PTPRF: variants seen among roughly 807,000 people sequenced by gnomAD.
PTPRF encodes receptor-type tyrosine-protein phosphatase F.
A neutral mutation model predicts 201.8 loss-of-function variants in PTPRF; 59 were observed. That is an observed-to-expected ratio of 0.29 (90% CI 0.24 to 0.36). The LOEUF is 0.36. Ranked by LOEUF, PTPRF falls within the 10% of genes least tolerant of loss-of-function variation. The pLI is 1.00. For synonymous variants in PTPRF, 1,088 were observed against 1,089.7 expected (o/e 1.00, Z 0.03); for missense variants, 2,132 against 2,690.5 (o/e 0.79, Z 4.59).
chr1:43,597,717 T>A, intron 11 of PTPRF, 31 bp from the exon 12 acceptor site: 1 of 1,376,410 alleles, frequency 7.3e-7, no homozygotes. Context: ...ACCCTCCATC[T>A]GCTTGCTTCC....
chr1:43,541,414 T>G (rs1450604536), intron 2 of PTPRF, among the ~76,000 whole-genome samples: 1 of 152,172 alleles, frequency 6.6e-6, no homozygotes. Context: ...GTGACATGGC[T>G]TCTGTGTTTT....
intron 11 of PTPRF, 31 bp downstream of exon 11, chr1:43,592,632 C>G (rs370756284): frequency 1.9e-6 from 3 of 1,551,436 alleles, no homozygotes; most frequent in Non-Finnish European, 2.6e-6. Flanking sequence ...CTGCCTGTTA[C>G]ACCTGGGCTG....
intron 11 of PTPRF, among the ~76,000 whole-genome samples, chr1:43,593,686 T>C (rs1651474379): frequency 6.7e-6 from 1 of 149,528 alleles, no homozygotes; most frequent in South Asian, 2.1e-4. Flanking sequence ...ACAAATGTCA[T>C]TAAAAGCTCA....
At chr1:43,584,106 G>A (rs1648489474) in intron 7 of PTPRF, among the ~76,000 whole-genome samples, 1 of 152,110 alleles carries the variant, frequency 6.6e-6, no homozygotes, top group Non-Finnish European at 1.5e-5. Context: ...CCCCACCCTT[G>A]GAGCCAGACC....
At position 43,591,063 on chromosome 1, in the gene PTPRF, A is replaced by T; in HGVS notation, c.1041A>T (p.Val347=). The T allele has an allele frequency of 6.2e-7, 1 of 1,614,020 alleles. No individual in the cohort carries two copies. The highest frequency in any genetic ancestry group is 8.5e-7 in the Non-Finnish European group (1 of 1,180,040). Residue 347 remains valine (V), a synonymous_variant, in exon 9 of 34, where the codon GTA becomes GTT. Coordinates refer to ENST00000359947, the MANE Select transcript of PTPRF (RefSeq NM_002840.5). ...LTWDSGNSEP[V]TYYGIQYRAA... is the part of the protein sequence containing the mutation. ...GGGACTCTGGGAACTCGGAGCCTGT[A>T]ACCTACTATGGCATCCAGTACCGCG...
At chr1:43,560,608 G>T (rs1269971882) in intron 5 of PTPRF, among the ~76,000 whole-genome samples, 2 of 152,138 alleles carry the variant, frequency 1.3e-5, no homozygotes, top group Non-Finnish European at 2.9e-5. Flanking sequence ...TGCTGTGTCT[G>T]GGCTCATTGT....
In PTPRF at chr1:43,604,179, G is replaced by C. The variant is rs570067770; in HGVS notation, c.3027G>C (p.Pro1009=). Residue 1009 remains proline (P), a synonymous_variant, in exon 16 of 34, where the codon CCG becomes CCC. Transcript: ENST00000359947. ...CCAGCATCCAGTCCCGGACCATGCC[G>C]GTGGAGCAAGGTGTGTGCTGTGGAC... ...LSPSIQSRTM[P]VEQVFAKNFR... 1 of 1,613,546 alleles carries C rather than the reference G, an allele frequency of 6.2e-7. No homozygotes were observed. Among genetic ancestry groups the C allele is most frequent in the East Asian group, 2.2e-5 (1 of 44,878 alleles).
At chr1:43,615,843 G>A (rs1372778970) in intron 23 of PTPRF, among the ~76,000 whole-genome samples, 2 of 152,094 alleles carry the variant, frequency 1.3e-5, no homozygotes, top group African/African-American at 2.4e-5. Context: ...GGGATTACAG[G>A]CGTGAGCCAC....
intron 1 of PTPRF, among the ~76,000 whole-genome samples, chr1:43,536,407 C>T (rs544681962): frequency 6.6e-6 from 1 of 152,176 alleles, no homozygotes; most frequent in African/African-American, 2.4e-5. Flanking sequence ...TAAAATGGCC[C>T]CTGGCCACTT....
chr1:43,605,030 G>T (rs900498906), intron 17 of PTPRF, 30 bp downstream of exon 17: 3 of 1,605,860 alleles, frequency 1.9e-6, no homozygotes, highest in African/African-American at 2.7e-5. Context: ...AGCTGAGCCT[G>T]GCACACACAC....
chr1:43,592,942 T>A (rs1651220580), intron 11 of PTPRF, among the ~76,000 whole-genome samples: 2 of 152,184 alleles, frequency 1.3e-5, no homozygotes, highest in Non-Finnish European at 2.9e-5. Context: ...TGGGCCATCC[T>A]CGGTGGGTCT....
intron 17 of PTPRF, 21 bp downstream of exon 17, chr1:43,605,021 G>C (rs1009361729): frequency 6.2e-6 from 10 of 1,609,222 alleles, no homozygotes; most frequent in East Asian, 4.5e-5. Flanking sequence ...GCCACGGCCA[G>C]CTGAGCCTGG....
At chr1:43,567,095 T>G (rs1381138183) in intron 5 of PTPRF, among the ~76,000 whole-genome samples, 1 of 152,160 alleles carries the variant, frequency 6.6e-6, no homozygotes, top group Non-Finnish European at 1.5e-5. Flanking sequence ...GGGCCCTGAC[T>G]CTGGCAGGCC....
Position 43,553,059 on chromosome 1 carries a change from G to C in PTPRF, c.92-433G>C, listed in dbSNP as rs1166666097. Among the ~76,000 whole-genome samples, 4 of 152,156 alleles carry C rather than the reference G, an allele frequency of 2.6e-5. No homozygotes were observed. The highest frequency in any genetic ancestry group is 5.9e-5 in the Non-Finnish European group (4 of 68,024). On this transcript the variant is annotated intron_variant, in intron 3 of 33. Transcript: ENST00000359947. The surrounding 1 kb of genome is among the most constrained non-coding windows in gnomAD (Gnocchi z 4.1). ...GTGCCATCACTGAGATGGAGAGCAG[G>C]GGGAGGGACAACTCTCAGGGAGAGC...
intron 11 of PTPRF, among the ~76,000 whole-genome samples, chr1:43,594,941 G>A (rs529206467): frequency 5.9e-5 from 9 of 152,312 alleles, no homozygotes; most frequent in Admixed American, 5.2e-4. Context: ...GAGGTTGGAA[G>A]GAGAGAAAGT....
intron 10 of PTPRF, among the ~76,000 whole-genome samples, 164 bp downstream of exon 10, chr1:43,592,112 C>T (rs1458125466): frequency 6.6e-6 from 1 of 152,160 alleles, no homozygotes; most frequent in Non-Finnish European, 1.5e-5. Flanking sequence ...GTGGCCCGCA[C>T]AGCCTGTATG....
chr1:43,547,649 G>A (rs560543429), intron 3 of PTPRF, among the ~76,000 whole-genome samples: 97 of 152,382 alleles, frequency 6.4e-4, no homozygotes, highest in African/African-American at 2.1e-3. Flanking sequence ...AGTGAAGCGC[G>A]GAGTGGACAA....
Position 43,623,403 on chromosome 1 carries a change from G to A in PTPRF, c.*1400G>A, listed in dbSNP as rs1291038850. The stretch of plus-strand genomic sequence containing the variant: ...TCCTCTGGGCAGCGCTATCTAGATA[G>A]GTAAGTGGGGGCGGGGAAGGGTGCA... On this transcript the variant is annotated 3_prime_UTR_variant, in exon 34 of 34. Coordinates refer to ENST00000359947, the MANE Select transcript of PTPRF (RefSeq NM_002840.5). 18 of 152,648 alleles carry A rather than the reference G, an allele frequency of 1.2e-4. No homozygotes were observed. The highest frequency in any genetic ancestry group is 1.2e-3 in the Admixed American group (18 of 15,282). The allele number at this position is 152,648 out of a possible 1,614,324, so 9.5% of individuals were successfully genotyped here.
chr1:43,590,869 A>G, intron 8 of PTPRF, 103 bp from the exon 9 acceptor site: 1 of 1,105,170 alleles, frequency 9.0e-7, no homozygotes, highest in Non-Finnish European at 1.3e-6. Flanking sequence ...TATCAGCCAC[A>G]CTCAGGTGAC....
Sources: allele counts gnomAD v4.1 joint callset (sites outside exome capture counted in the v4.1 genomes callset), GRCh38; gene constraint gnomAD v4.1.1; non-coding constraint Gnocchi (gnomAD v3.1); transcripts MANE v1.5; gene names NCBI Gene and HGNC (gene_info 2026-07-23, HGNC 2026-07-21).